RAP1GAP2: variants seen among roughly 807,000 people sequenced by gnomAD.
RAP1GAP2 encodes rap1 GTPase-activating protein 2.
A neutral mutation model predicts 95.0 loss-of-function variants in RAP1GAP2; 27 were observed. The ratio of observed to expected loss-of-function variants is 0.28; its 90% CI spans 0.21 to 0.39. The LOEUF (loss-of-function observed/expected upper bound fraction) is 0.39, where lower values mean the gene tolerates loss of function less well. Ranked by LOEUF, RAP1GAP2 falls within the 10% of genes least tolerant of loss-of-function variation. The pLI, the probability that RAP1GAP2 is intolerant of heterozygous loss-of-function variation, is 1.00. For missense variants in RAP1GAP2, 771 were observed against 970.0 expected (o/e 0.79, Z 2.72); for synonymous variants, 373 against 380.9 (o/e 0.98, Z 0.24).
intron 17 of RAP1GAP2, among the ~76,000 whole-genome samples, chr17:3,011,712 C>G (rs1050599743): frequency 1.3e-5 from 2 of 151,132 alleles, no homozygotes; most frequent in Non-Finnish European, 2.9e-5. Context: ...CTCTGCCTCC[C>G]GGGCTCAAGC....
intron 22 of RAP1GAP2, among the ~76,000 whole-genome samples, chr17:3,030,334 T>C (rs918460440): frequency 3.3e-5 from 5 of 152,190 alleles, no homozygotes; most frequent in African/African-American, 4.8e-5. Flanking sequence ...TCTTTTGTGC[T>C]ATTCACAATG....
At chr17:2,872,766 T>C (rs955676341) in intron 2 of RAP1GAP2, among the ~76,000 whole-genome samples, 4 of 151,970 alleles carry the variant, frequency 2.6e-5, no homozygotes, top group Admixed American at 6.6e-5. Flanking sequence ...ACACTGCAGC[T>C]TTGACCTCCT....
chr17:3,032,125 G>A (rs1302494692), intron 23 of RAP1GAP2, among the ~76,000 whole-genome samples: 2 of 145,356 alleles, frequency 1.4e-5, no homozygotes, highest in African/African-American at 2.6e-5. Context: ...GGAAGGGCTG[G>A]TTCCTGGGTC....
At chr17:2,974,094 C>A (rs1436726137) in intron 8 of RAP1GAP2, among the ~76,000 whole-genome samples, 2 of 151,528 alleles carry the variant, frequency 1.3e-5, no homozygotes, top group Non-Finnish European at 2.9e-5. Flanking sequence ...GTAATCCCAG[C>A]ACCTTGGGAG....
At chr17:2,864,409 A>G (rs910182802) in intron 2 of RAP1GAP2, among the ~76,000 whole-genome samples, 14 of 152,200 alleles carry the variant, frequency 9.2e-5, no homozygotes, top group Admixed American at 6.5e-4. Flanking sequence ...CACATTGTGA[A>G]TCTGTTTTTC....
rs576144494 is a variant in RAP1GAP2, at chr17:2,797,683, T to C, written c.44+1112T>C. The C allele has an allele frequency of 1.8e-5, 18 of 985,384 alleles. No individual in the cohort carries two copies. In the South Asian group the frequency reaches 8.0e-4, roughly 44 times the overall value. 61.0% of individuals were successfully genotyped at this position (985,384 alleles called of 1,614,324 possible). A position where few individuals can be genotyped will look rare whatever the true frequency, so the allele number is the denominator to read the frequency against. On this transcript the variant is annotated intron_variant, in intron 1 of 24. Transcript: ENST00000254695. This position sits in a 1 kb window ranked among gnomAD's most constrained non-coding sequence, Gnocchi z 5.6. ...GGGGGGACTGTGGGCACTCCATGTT[T>C]GGCAGATGGGATGGTGCGGATGAGA...
chr17:2,853,843 C>T (rs1438244846), intron 2 of RAP1GAP2: 1 of 878,158 alleles, frequency 1.1e-6, no homozygotes, highest in African/African-American at 1.8e-5. Flanking sequence ...CGCGCGGTCA[C>T]CTGACCCCCG....
At chr17:2,996,942 A>C (rs2045979372) in intron 13 of RAP1GAP2, among the ~76,000 whole-genome samples, 1 of 152,212 alleles carries the variant, frequency 6.6e-6, no homozygotes, top group Admixed American at 6.5e-5. Flanking sequence ...AAATGCATAG[A>C]CAGGCACCTA....
intron 2 of RAP1GAP2, among the ~76,000 whole-genome samples, chr17:2,824,120 CAAAA>C (rs71150900): frequency 3.8e-5 from 4 of 105,430 alleles, no homozygotes; most frequent in Admixed American, 1.1e-4. Context: ...AAGACTGTCT[CAAAA>C]AAAAAAAAAA....
chr17:2,903,424 G>C lies in RAP1GAP2; in HGVS notation c.81-1860G>C, dbSNP rs73976717. On this transcript the variant is annotated intron_variant, in intron 2 of 24. Transcript: ENST00000254695. This position sits in a 1 kb window ranked among gnomAD's most constrained non-coding sequence, Gnocchi z 4.1. ...TGGAGCCTACGGTGGTAATGTCCAAGGCCGTACATAGAAGGAGGCTGGCAG... is the reference window on the plus strand; with the variant it reads ...TGGAGCCTACGGTGGTAATGTCCAACGCCGTACATAGAAGGAGGCTGGCAG... 6.6e-6 allele frequency among the ~76,000 whole-genome samples: 1 copy of C among 152,118 alleles called. No homozygotes were observed. Among genetic ancestry groups the C allele is most frequent in the Non-Finnish European group, 1.5e-5 (1 of 68,024 alleles).
intron 13 of RAP1GAP2, among the ~76,000 whole-genome samples, chr17:2,997,955 AAAG>A (rs1443575898): frequency 6.6e-6 from 1 of 151,772 alleles, no homozygotes; most frequent in Non-Finnish European, 1.5e-5. Context: ...AAAAAGATTG[AAAG>A]AAGAACCCCC....
At chr17:2,769,840 A>G (rs1437853189) in intron 1 of RAP1GAP2, among the ~76,000 whole-genome samples, 1 of 152,092 alleles carries the variant, frequency 6.6e-6, no homozygotes, top group Non-Finnish European at 1.5e-5. Flanking sequence ...TGGGAGGCCA[A>G]GGCGGGTGGA....
At chr17:2,913,926 A>T (rs1597593578) in intron 3 of RAP1GAP2, among the ~76,000 whole-genome samples, 1 of 151,778 alleles carries the variant, frequency 6.6e-6, no homozygotes, top group Non-Finnish European at 1.5e-5. Context: ...GCTGGAGAGC[A>T]GTGACGCAAT....
In RAP1GAP2 at chr17:2,906,506, G is replaced by A. The variant is rs913939109; in HGVS notation, c.165+1138G>A. On this transcript the variant is annotated intron_variant, in intron 3 of 24. Coordinates refer to ENST00000254695, the MANE Select transcript of RAP1GAP2 (RefSeq NM_015085.5). This position sits in a 1 kb window ranked among gnomAD's most constrained non-coding sequence, Gnocchi z 4.3. ...GACAGGGTGCAGGGCTGACCAAGGA[G>A]AGCTGTGCTGTCTTCCTTGTGCAGT... 6.6e-6 allele frequency among the ~76,000 whole-genome samples: 1 copy of A among 152,100 alleles called. No homozygotes were observed. Among genetic ancestry groups the A allele is most frequent in the Admixed American group, 6.5e-5 (1 of 15,268 alleles).
At chr17:2,919,807 A>T (rs1016186155) in intron 3 of RAP1GAP2, among the ~76,000 whole-genome samples, 1 of 151,996 alleles carries the variant, frequency 6.6e-6, no homozygotes, top group African/African-American at 2.4e-5. Flanking sequence ...GGTTCAAGCA[A>T]TTCTCCTGCC....
intron 2 of RAP1GAP2, among the ~76,000 whole-genome samples, chr17:2,869,921 G>T (rs2072773813): frequency 6.6e-6 from 1 of 152,186 alleles, no homozygotes; most frequent in Non-Finnish European, 1.5e-5. Flanking sequence ...CGGGCCACGT[G>T]AGTGGAGGGC....
At chr17:2,984,890 C>T in intron 10 of RAP1GAP2, 93 bp from the exon 11 acceptor site, 3 of 1,560,018 alleles carry the variant, frequency 1.9e-6, no homozygotes, top group Non-Finnish European at 2.6e-6. Context: ...AACACATTCT[C>T]TCCCCAAATG....
At chr17:2,849,644 G>C (rs1010716180) in intron 2 of RAP1GAP2, among the ~76,000 whole-genome samples, 1 of 152,190 alleles carries the variant, frequency 6.6e-6, no homozygotes, top group Non-Finnish European at 1.5e-5. Flanking sequence ...CCCTGGACTG[G>C]AAGAGAGACC....
chr17:3,029,408 G>A lies in RAP1GAP2; in HGVS notation c.2108-1514G>A, dbSNP rs2047223304. On this transcript the variant is annotated intron_variant, in intron 22 of 24. Coordinates refer to ENST00000254695, the MANE Select transcript of RAP1GAP2 (RefSeq NM_015085.5). The surrounding 1 kb of genome is among the most constrained non-coding windows in gnomAD (Gnocchi z 4.4). The stretch of plus-strand genomic sequence containing the variant: ...GGGCTGCTTTTCACCCCCAGCCCAC[G>A]AAAGATGTGCTTGGTACCCACTGGA... Among the ~76,000 whole-genome samples the A allele has an allele frequency of 1.3e-5, 2 of 152,108 alleles. No individual in the cohort carries two copies. The highest frequency in any genetic ancestry group is 1.3e-4 in the Admixed American group (2 of 15,260).
Sources: allele counts gnomAD v4.1 joint callset (sites outside exome capture counted in the v4.1 genomes callset), GRCh38; gene constraint gnomAD v4.1.1; non-coding constraint Gnocchi (gnomAD v3.1); transcripts MANE v1.5; gene names NCBI Gene and HGNC (gene_info 2026-07-23, HGNC 2026-07-21).